Variants in MIGA2 observed in about 807,000 individuals in gnomAD.
The protein encoded by MIGA2 is family with sequence similarity 73, member B.
A neutral mutation model predicts 69.9 loss-of-function variants in MIGA2; 36 were observed. The observed-to-expected ratio is 0.52, with a 90% CI of 0.39 to 0.68. The LOEUF (loss-of-function observed/expected upper bound fraction) is 0.68, where lower values mean the gene tolerates loss of function less well. MIGA2 is among the 30% of genes least tolerant of loss of function. The pLI, the probability that MIGA2 is intolerant of heterozygous loss-of-function variation, is 0.00. For synonymous variants in MIGA2, 333 were observed against 349.2 expected, an observed-to-expected ratio of 0.95 and a Z score of 0.52; for missense variants, 660 against 787.7, an observed-to-expected ratio of 0.84 and a Z score of 1.94.
Position 129,068,227 on chromosome 9 carries a change from G to T in MIGA2, c.1299G>T (p.Val433=), listed in dbSNP as rs201535391. The change falls in exon 13 of 16, where the codon GTG becomes GTT. Residue 433 remains valine (V), a synonymous_variant. Transcript: ENST00000684074. The surrounding 1 kb of genome is among the most constrained non-coding windows in gnomAD (Gnocchi z 4.1). Reference sequence around the variant, plus strand: ...TATGCATGAGCTTCTTCGACATCGTGCTGGACTTCATCCTCATGGACGCCT... The same window carrying T: ...TATGCATGAGCTTCTTCGACATCGTTCTGGACTTCATCCTCATGGACGCCT... ...GVVCMSFFDI[V]LDFILMDAFE... is the part of the protein sequence containing the mutation. The T allele has an allele frequency of 1.3e-4, 214 of 1,613,724 alleles. No individual in the cohort carries two copies. Among genetic ancestry groups the T allele is most frequent in the Non-Finnish European group, 1.5e-4 (181 of 1,180,036 alleles).
Position 129,069,051 on chromosome 9 carries a change from G to A in MIGA2, c.1405-25G>A, listed in dbSNP as rs753316911. The A allele has an allele frequency of 6.8e-6, 11 of 1,613,600 alleles. No homozygotes were observed. The highest frequency in any genetic ancestry group is 4.5e-5 in the East Asian group (2 of 44,882). ...GTGGGCTAGGCCCATTTTGACACCC[G>A]GGGGACATCCTATTTTTGATGTAGG... On this transcript the variant is annotated intron_variant, in intron 13 of 15. Coordinates refer to ENST00000684074, the MANE Select transcript of MIGA2 (RefSeq NM_001329990.2). The surrounding 1 kb of genome is among the most constrained non-coding windows in gnomAD (Gnocchi z 4.9).
chr9:129,060,879 C>T lies in MIGA2; in HGVS notation c.894+229C>T, dbSNP rs1183308918. Among the ~76,000 whole-genome samples the T allele has an allele frequency of 2.0e-5, 3 of 152,240 alleles. No individual in the cohort carries two copies. In the East Asian group the frequency reaches 5.8e-4, roughly 29 times the overall value. ...GGTTCCACCCCGAAGGGCTCCAGCC[C>T]GTGCTGGCCTTTCCCTTCTCCAGAC... is the stretch of plus-strand genomic sequence containing the variant. On this transcript the variant is annotated intron_variant, in intron 8 of 15. Transcript: ENST00000684074. This position sits in a 1 kb window ranked among gnomAD's most constrained non-coding sequence, Gnocchi z 4.8.
At chr9:129,053,094 G>A (rs1845629902) in intron 6 of MIGA2, among the ~76,000 whole-genome samples, 1 of 152,150 alleles carries the variant, frequency 6.6e-6, no homozygotes, top group Non-Finnish European at 1.5e-5. Context: ...AAGAGAAGGG[G>A]GTGTAAAATA....
rs1326878754 is a variant in MIGA2 at position 129,039,183 on chromosome 9, G to GTGTA, written c.-143-1266_-143-1265insATGT. Among the ~76,000 whole-genome samples the GTGTA allele has an allele frequency of 2.5e-3, 313 of 123,524 alleles. 2 individuals are homozygous for GTGTA. The highest frequency in any genetic ancestry group is 0.011 in the African/African-American group (297 of 27,002). The allele number at this position is 123,524 out of a possible 152,430, so 81.0% of individuals were successfully genotyped here. On this transcript the variant is annotated intron_variant, in intron 1 of 15. Transcript: ENST00000684074. ...GTGGAGTAGCTCTTTGTTTGTGTGT[G>GTGTA]TGTGTGTGTGTGTGTGTGTGTGTGT...
At chr9:129,043,999 T>A (rs1445982474) in intron 3 of MIGA2, among the ~76,000 whole-genome samples, 1 of 131,816 alleles carries the variant, frequency 7.6e-6, no homozygotes, top group East Asian at 2.2e-4. Flanking sequence ...CCTGCCCGGC[T>A]TTTTTTTTTT....
chr9:129,063,357 G>A, intron 10 of MIGA2, 41 bp downstream of exon 10: 1 of 1,607,840 alleles, frequency 6.2e-7, no homozygotes, highest in Non-Finnish European at 8.5e-7. Flanking sequence ...GGGAGGCAAG[G>A]GGTAGTCAGG....
chr9:129,070,183 A>T (rs1588422529), intron 15 of MIGA2, 64 bp from the exon 16 acceptor site: 2 of 1,567,684 alleles, frequency 1.3e-6, no homozygotes, highest in East Asian at 4.5e-5. Flanking sequence ...GACTTCAGGT[A>T]ACCTGGGGGG....
rs979701461 is a variant in MIGA2 at position 129,065,328 on chromosome 9, C to A, written c.1170+1697C>A. 2.6e-5 allele frequency among the ~76,000 whole-genome samples: 4 copies of A among 151,932 alleles called. 1 individual carries two copies. On this transcript the variant is annotated intron_variant, in intron 11 of 15. Transcript: ENST00000684074. ...AAATAAAAAACCAAAAAACAAAAAA[C>A]CACCCAAAAAGTATCTATAGGATTT...
intron 3 of MIGA2, among the ~76,000 whole-genome samples, chr9:129,045,569 G>A (rs1268296046): frequency 6.6e-6 from 1 of 151,304 alleles, no homozygotes; most frequent in Non-Finnish European, 1.5e-5. Context: ...ACCAGCCTGA[G>A]CAGCATAGAG....
chr9:129,058,259 G>A (rs1427461188), intron 6 of MIGA2, among the ~76,000 whole-genome samples: 2 of 151,926 alleles, frequency 1.3e-5, no homozygotes, highest in Non-Finnish European at 2.9e-5. Context: ...AAGTTAGCCA[G>A]GTATGGTGAT....
At chr9:129,058,799 C>A (rs1299558866) in intron 6 of MIGA2, among the ~76,000 whole-genome samples, 1 of 152,172 alleles carries the variant, frequency 6.6e-6, no homozygotes, top group Non-Finnish European at 1.5e-5. Flanking sequence ...TGCCTGGCAA[C>A]CTAAGTCCAC....
Position 129,060,612 on chromosome 9 carries a change from A to G in MIGA2, c.856A>G (p.Ser286Gly). Residue 286 changes from serine (S) to glycine (G), a missense_variant, in exon 8 of 16, where the codon AGC becomes GGC. By Grantham distance (56) the Ser-to-Gly change is moderately conservative (BLOSUM62 0). This residue lies in a region of MIGA2 where 386 missense variants were observed against 402.0 expected (regional missense o/e 0.96). Transcript: ENST00000684074. The surrounding 1 kb of genome is among the most constrained non-coding windows in gnomAD (Gnocchi z 4.8). ...SLRLRADDEDSLTSEDSFFSA... is the reference protein window; with the variant it reads ...SLRLRADDEDGLTSEDSFFSA... Reference sequence around the variant, plus strand: ...GCGGCTGCGGGCGGACGATGAGGACAGCCTGACTTCAGAGGATTCCTTCTT... The same window carrying G: ...GCGGCTGCGGGCGGACGATGAGGACGGCCTGACTTCAGAGGATTCCTTCTT... The G allele has an allele frequency of 1.9e-6, 3 of 1,605,134 alleles. No individual in the cohort carries two copies. Among genetic ancestry groups the G allele is most frequent in the Non-Finnish European group, 2.6e-6 (3 of 1,176,002 alleles).
Position 129,068,887 on chromosome 9 carries a change from G to T in MIGA2, c.1405-189G>T. 1.5e-6 allele frequency: 1 copy of T among 677,832 alleles called. No homozygotes were observed. The highest frequency in any genetic ancestry group is 1.7e-5 in the South Asian group (1 of 58,562). The allele number at this position is 677,832 out of a possible 1,614,324, so 42.0% of individuals were successfully genotyped here. On this transcript the variant is annotated intron_variant, in intron 13 of 15. Coordinates refer to ENST00000684074, the MANE Select transcript of MIGA2 (RefSeq NM_001329990.2). The surrounding 1 kb of genome is among the most constrained non-coding windows in gnomAD (Gnocchi z 4.1). ...GATCCAGCAGTAAGATTAGAGTCAA[G>T]ATTCAAGTTTAGGTATGTCTGAGTC...
chr9:129,059,390 G>A lies in MIGA2; in HGVS notation c.793+119G>A. The A allele has an allele frequency of 1.3e-6, 1 of 756,748 alleles. No homozygotes were observed. The allele number at this position is 756,748 out of a possible 1,614,324, so 46.9% of individuals were successfully genotyped here. ...TGCGTCCAATGAATCAGAATCCCCA[G>A]GGCTCTCCGACCTCGCGTGATCCAG... On this transcript the variant is annotated intron_variant, in intron 7 of 15. Transcript: ENST00000684074. This position sits in a 1 kb window ranked among gnomAD's most constrained non-coding sequence, Gnocchi z 5.6.
Position 129,049,979 on chromosome 9 carries a change from C to T in MIGA2, c.675+16C>T, listed in dbSNP as rs1385466769. ...ACTGTCTGAGGTAGGTGGTCTTCTG[C>T]ATCCCCCTACGCCCATGGGATAAAG... On this transcript the variant is annotated intron_variant, in intron 6 of 15. Transcript: ENST00000684074. 3.1e-6 allele frequency: 5 copies of T among 1,608,384 alleles called. No individual in the cohort carries two copies. Among genetic ancestry groups the T allele is most frequent in the Non-Finnish European group, 4.2e-6 (5 of 1,177,432 alleles).
intron 6 of MIGA2, among the ~76,000 whole-genome samples, chr9:129,055,635 G>A (rs1845757417): frequency 6.6e-6 from 1 of 152,026 alleles, no homozygotes; most frequent in Non-Finnish European, 1.5e-5. Flanking sequence ...CGATCACGAG[G>A]TCAGGAGATC....
At chr9:129,042,737 T>G (rs531696524) in intron 3 of MIGA2, among the ~76,000 whole-genome samples, 1 of 152,260 alleles carries the variant, frequency 6.6e-6, no homozygotes, top group African/African-American at 2.4e-5. Context: ...GAGGTGGTTT[T>G]GGTTGTTCTC....
Position 129,070,465 on chromosome 9 carries a change from G to C in MIGA2, c.*12G>C, listed in dbSNP as rs749968790. On this transcript the variant is annotated 3_prime_UTR_variant, in exon 16 of 16. Coordinates refer to ENST00000684074, the MANE Select transcript of MIGA2 (RefSeq NM_001329990.2). ...GGGAGCTGCAGTAGAGGCGGCACGGGCTGGGGGGTGGCAGAGAGAAGGCTC... is the reference window on the plus strand; with the variant it reads ...GGGAGCTGCAGTAGAGGCGGCACGGCCTGGGGGGTGGCAGAGAGAAGGCTC... 2 of 1,530,544 alleles carry C rather than the reference G, an allele frequency of 1.3e-6. No individual in the cohort carries two copies. Among genetic ancestry groups the C allele is most frequent in the Non-Finnish European group, 1.8e-6 (2 of 1,136,486 alleles). The allele number at this position is 1,530,544 out of a possible 1,614,324, so 94.8% of individuals were successfully genotyped here.
intron 4 of MIGA2, 110 bp from the exon 5 acceptor site, chr9:129,049,271 T>G: frequency 8.9e-6 from 9 of 1,005,692 alleles, no homozygotes; most frequent in East Asian, 2.7e-5. Context: ...AGGGATGGCA[T>G]TTGGAGGGGG....
Sources: gnomAD v4.1 joint callset for allele counts (sites outside exome capture counted in the v4.1 genomes callset) on GRCh38, gnomAD v4.1.1 for gene constraint, gnomAD v4.1.1 regional missense constraint, Gnocchi (gnomAD v3.1) non-coding constraint, MANE v1.5 for transcripts, NCBI Gene and HGNC (gene_info 2026-07-23, HGNC 2026-07-21) for gene names.